ANK2: variants seen among roughly 807,000 people sequenced by gnomAD.
ANK2 encodes ankyrin 2, also known as ankyrin-2.
A neutral mutation model predicts 360.5 loss-of-function variants in ANK2; 83 were observed. The observed-to-expected ratio is 0.23, with a 90% CI of 0.19 to 0.28. ANK2 has a LOEUF of 0.28. ANK2 is among the 10% of genes least tolerant of loss of function. ANK2 has a pLI of 1.00. For missense variants in ANK2, 4,201 were observed against 4,795.7 expected, an observed-to-expected ratio of 0.88 and a Z score of 3.66; for synonymous variants, 1,740 against 1,759.5, an observed-to-expected ratio of 0.99 and a Z score of 0.28.
chr4:112,750,938 G>A, the ANK2 span, among the ~76,000 whole-genome samples: 1 of 152,084 alleles, frequency 6.6e-6, no homozygotes, highest in African/African-American at 2.4e-5. Flanking sequence ...TGTCGGTCAG[G>A]CTGGCCTCGA....
At chr4:113,004,205 A>G (rs2051891402) in intron 2 of ANK2, among the ~76,000 whole-genome samples, 1 of 152,198 alleles carries the variant, frequency 6.6e-6, no homozygotes, top group Admixed American at 6.5e-5. Context: ...AGTTAACCTT[A>G]GCTTACTGTA....
At chr4:113,068,674 A>G (rs1022459126) in intron 1 of ANK2, among the ~76,000 whole-genome samples, 1 of 152,204 alleles carries the variant, frequency 6.6e-6, no homozygotes, top group Non-Finnish European at 1.5e-5. Flanking sequence ...AAGAGTCAAA[A>G]ACTGTAGACA....
the ANK2 span, among the ~76,000 whole-genome samples, chr4:112,724,718 C>CGTTCCACAT: frequency 6.6e-6 from 1 of 152,008 alleles, no homozygotes; most frequent in Non-Finnish European, 1.5e-5. Context: ...AATAAATAAT[C>CGTTCCACAT]GTTTAGCCAC....
intron 2 of ANK2, among the ~76,000 whole-genome samples, chr4:113,187,067 CCTAAACTGTCA>C (rs1409309371): frequency 6.6e-6 from 1 of 152,000 alleles, no homozygotes; most frequent in Admixed American, 6.6e-5. Context: ...CACCCCACCC[CCTAAACTGTCA>C]TTACTTAAAA....
intron 1 of ANK2, among the ~76,000 whole-genome samples, chr4:113,082,692 C>T (rs1464520990): frequency 2.0e-5 from 3 of 152,106 alleles, no homozygotes; most frequent in Admixed American, 2.0e-4. Flanking sequence ...ATAAGAGCTT[C>T]GTACTAGAAT....
At chr4:113,101,589 CAG>C (rs1237986246) in intron 1 of ANK2, among the ~76,000 whole-genome samples, 2 of 152,070 alleles carry the variant, frequency 1.3e-5, no homozygotes, top group African/African-American at 4.8e-5. Flanking sequence ...GAAAAAGTTA[CAG>C]AGCTCATATA....
At chr4:112,981,494 T>C (rs1175097628) in intron 2 of ANK2, among the ~76,000 whole-genome samples, 2 of 152,070 alleles carry the variant, frequency 1.3e-5, no homozygotes, top group Non-Finnish European at 2.9e-5. Flanking sequence ...CTTGCAGAGG[T>C]GGAACCATGG....
chr4:113,309,345 G>T (rs1312178676), intron 23 of ANK2, among the ~76,000 whole-genome samples: 1 of 152,182 alleles, frequency 6.6e-6, no homozygotes, highest in Non-Finnish European at 1.5e-5. Flanking sequence ...CACCCCAGGT[G>T]TATATGAAAA....
At chr4:113,243,949 G>A (rs886232487) in intron 9 of ANK2, among the ~76,000 whole-genome samples, 17 of 152,234 alleles carry the variant, frequency 1.1e-4, no homozygotes, top group African/African-American at 4.1e-4. Flanking sequence ...TATTAAGATA[G>A]TTGACTTTGT....
intron 1 of ANK2, among the ~76,000 whole-genome samples, chr4:113,168,385 C>T (rs2097828016): frequency 6.6e-6 from 1 of 152,154 alleles, no homozygotes; most frequent in South Asian, 2.1e-4. Context: ...TCTTCTTCCC[C>T]TAACTAAAGC....
intron 1 of ANK2, among the ~76,000 whole-genome samples, chr4:113,073,017 A>AGTG (rs2078344356): frequency 7.8e-6 from 1 of 127,740 alleles, no homozygotes; most frequent in Non-Finnish European, 1.5e-5. Context: ...GCTGGAGTAC[A>AGTG]GTGGTGCAAT....
the ANK2 span, among the ~76,000 whole-genome samples, chr4:112,810,469 C>T: frequency 6.6e-6 from 1 of 152,094 alleles, no homozygotes; most frequent in African/African-American, 2.4e-5. Context: ...CAGTCAATGA[C>T]CTGCATGATT....
intron 4 of ANK2, among the ~76,000 whole-genome samples, chr4:113,207,681 C>T (rs1268713241): frequency 4.6e-5 from 1 of 21,948 alleles, no homozygotes; most frequent in Non-Finnish European, 1.0e-4. Context: ...GCAAGGATCA[C>T]AAAGCAAAAA....
chr4:113,379,899 A>G (rs946814136), intron 45 of ANK2, among the ~76,000 whole-genome samples: 4 of 152,246 alleles, frequency 2.6e-5, no homozygotes, highest in African/African-American at 9.6e-5. Context: ...CCAACTTCTG[A>G]ACAATGAAAA....
At chr4:112,755,860 G>T in the ANK2 span, 2 of 152,666 alleles carry the variant, frequency 1.3e-5, no homozygotes, top group African/African-American at 4.9e-5. Flanking sequence ...AAGGAACAAA[G>T]AAATCTGTAA....
rs73841236 is a variant in ANK2 at position 113,125,121 on chromosome 4, A to T, written c.85-49295A>T. ...AGAGACTTATTAATTACCAATTTTA[A>T]CTCACTTGTTTATAGTTTGTCTGTA... On this transcript the variant is annotated intron_variant, in intron 1 of 45. Transcript: ENST00000357077. 3.1e-3 allele frequency among the ~76,000 whole-genome samples: 466 copies of T among 152,196 alleles called. 7 individuals are homozygous for T. The highest frequency in any genetic ancestry group is 0.011 in the African/African-American group (447 of 41,548).
At chr4:112,917,143 A>C (rs73840939) in intron 2 of ANK2, among the ~76,000 whole-genome samples, 2,749 of 152,352 alleles carry the variant, frequency 0.018, 31 homozygotes, top group Middle Eastern at 0.037. Flanking sequence ...TTATAGGCTT[A>C]AGCTGTGGTG....
In ANK2 at chr4:113,232,085, A is replaced by G. The variant is rs362464; in HGVS notation, c.385-76A>G. 0.027 allele frequency: 26,629 copies of G among 994,930 alleles called. 447 individuals carry two copies. The highest frequency in any genetic ancestry group is 0.033 in the South Asian group (2,576 of 78,134). 61.6% of individuals were successfully genotyped at this position (994,930 alleles called of 1,614,324 possible). A position where few individuals can be genotyped will look rare whatever the true frequency, so the allele number is the denominator to read the frequency against. ...TGAAAGTATTTTACCTATCTTCCCT[A>G]TGTCGAAGGTTTACTTCCTAGTGTT... On this transcript the variant is annotated intron_variant, in intron 4 of 45. Coordinates refer to ENST00000357077, the MANE Select transcript of ANK2 (RefSeq NM_001148.6).
intron 1 of ANK2, among the ~76,000 whole-genome samples, chr4:113,105,202 GAATTAT>G (rs2093462530): frequency 6.6e-6 from 1 of 152,088 alleles, no homozygotes; most frequent in African/African-American, 2.4e-5. Flanking sequence ...ACCTAGGTTG[GAATTAT>G]AATTAGACAT....
Sources: gnomAD v4.1 joint callset for allele counts (sites outside exome capture counted in the v4.1 genomes callset) on GRCh38, gnomAD v4.1.1 for gene constraint, MANE v1.5 for transcripts, NCBI Gene and HGNC (gene_info 2026-07-23, HGNC 2026-07-21) for gene names.